Variants in ARHGAP10 observed in about 807,000 individuals in gnomAD.
The protein encoded by ARHGAP10 is Rho GTPase activating protein 10.
A neutral mutation model predicts 108.6 loss-of-function variants in ARHGAP10; 87 were observed. That is an observed-to-expected ratio of 0.80 (90% CI 0.67 to 0.96). ARHGAP10 has a LOEUF of 0.96. Ranked by LOEUF, ARHGAP10 falls within the 40% of genes least tolerant of loss-of-function variation. ARHGAP10 has a pLI of 0.00. For synonymous variants in ARHGAP10, 347 were observed against 341.1 expected, an observed-to-expected ratio of 1.02 and a Z score of -0.19; for missense variants, 939 against 954.5, an observed-to-expected ratio of 0.98 and a Z score of 0.21.
At chr4:148,063,368 A>G in intron 21 of ARHGAP10, 68 bp downstream of exon 21, 1 of 1,588,448 alleles carries the variant, frequency 6.3e-7, no homozygotes, top group African/African-American at 1.3e-5. Context: ...GAACCTGAGC[A>G]GGTTCTTGTG....
chr4:147,734,496 C>T (rs781650702), intron 1 of ARHGAP10, among the ~76,000 whole-genome samples: 2 of 152,038 alleles, frequency 1.3e-5, no homozygotes, highest in Non-Finnish European at 2.9e-5. Context: ...TGTTTAAATT[C>T]TTTCCCAGAA....
intron 18 of ARHGAP10, among the ~76,000 whole-genome samples, chr4:148,007,160 A>G (rs1014743049): frequency 3.3e-5 from 5 of 152,202 alleles, no homozygotes; most frequent in Non-Finnish European, 7.3e-5. Flanking sequence ...TGACTTTAAT[A>G]TATGTGTTTG....
intron 1 of ARHGAP10, among the ~76,000 whole-genome samples, chr4:147,798,777 CTCTCTATA>C (rs1731449913): frequency 2.6e-4 from 1 of 3,848 alleles, no homozygotes; most frequent in Non-Finnish European, 1.6e-3. Flanking sequence ...CTCTCTCTCT[CTCTCTATA>C]TATATATATA....
intron 8 of ARHGAP10, among the ~76,000 whole-genome samples, chr4:147,876,898 C>T (rs1445412611): frequency 4.6e-5 from 7 of 152,274 alleles, no homozygotes; most frequent in Non-Finnish European, 1.0e-4. Context: ...AATGGAGGCA[C>T]TGAGAGGTAA....
chr4:147,815,105 A>C (rs768579899), intron 1 of ARHGAP10, among the ~76,000 whole-genome samples: 10 of 152,098 alleles, frequency 6.6e-5, no homozygotes, highest in Non-Finnish European at 1.5e-4. Context: ...AAAATCCTTA[A>C]AGGACCCTCC....
At chr4:147,991,056 T>C (rs1221864211) in intron 18 of ARHGAP10, among the ~76,000 whole-genome samples, 1 of 151,776 alleles carries the variant, frequency 6.6e-6, no homozygotes, top group Non-Finnish European at 1.5e-5. Context: ...TACTATGCTT[T>C]TCACCTTGGT....
intron 18 of ARHGAP10, among the ~76,000 whole-genome samples, chr4:148,011,127 A>G (rs950825282): frequency 6.6e-6 from 1 of 152,218 alleles, no homozygotes; most frequent in African/African-American, 2.4e-5. Flanking sequence ...AGTGCATCAC[A>G]ACAAGAGGCA....
intron 1 of ARHGAP10, among the ~76,000 whole-genome samples, chr4:147,809,768 A>G (rs1236177906): frequency 2.6e-5 from 4 of 152,168 alleles, no homozygotes; most frequent in Non-Finnish European, 4.4e-5. Flanking sequence ...ATTTATCATT[A>G]GATTCTCATA....
intron 4 of ARHGAP10, among the ~76,000 whole-genome samples, chr4:147,851,255 ATT>A (rs34340295): frequency 1.3e-3 from 198 of 148,110 alleles, no homozygotes; most frequent in Non-Finnish European, 1.5e-3. Flanking sequence ...ATGACTAATA[ATT>A]TTTTTTTTTT....
intron 19 of ARHGAP10, among the ~76,000 whole-genome samples, chr4:148,035,130 T>A (rs1728316884): frequency 1.3e-5 from 2 of 152,168 alleles, no homozygotes; most frequent in Admixed American, 1.3e-4. Flanking sequence ...GGGTCTTTAT[T>A]TTTTGTCATG....
rs139153936 is a variant in ARHGAP10, at chr4:147,800,793, G to A, written c.155-21934G>A. On this transcript the variant is annotated intron_variant, in intron 1 of 22. Transcript: ENST00000336498. The stretch of plus-strand genomic sequence containing the variant: ...GACATAGTTTTCTATGCTGTCTTGT[G>A]CCTTGTCATTCATTATTTTTTTCCT... 6.9e-3 allele frequency among the ~76,000 whole-genome samples: 1,056 copies of A among 152,250 alleles called. 12 individuals carry two copies. Among genetic ancestry groups the A allele is most frequent in the African/African-American group, 0.024 (1,011 of 41,536 alleles).
chr4:147,774,108 A>C (rs539465669), intron 1 of ARHGAP10, among the ~76,000 whole-genome samples: 5 of 152,228 alleles, frequency 3.3e-5, no homozygotes, highest in Non-Finnish European at 7.3e-5. Flanking sequence ...GTGATAATGA[A>C]ATGAGTTAAT....
At chr4:147,732,502 C>A in intron 1 of ARHGAP10, 47 bp downstream of exon 1, 2 of 1,601,346 alleles carry the variant, frequency 1.2e-6, no homozygotes, top group Non-Finnish European at 1.7e-6. Context: ...GGCGAGGCGG[C>A]TGGGGGAGCC....
chr4:148,007,866 A>C (rs958305170), intron 18 of ARHGAP10, among the ~76,000 whole-genome samples: 1 of 152,158 alleles, frequency 6.6e-6, no homozygotes, highest in Admixed American at 6.5e-5. Flanking sequence ...CTTCAGTTGC[A>C]TGACTTAGCT....
At chr4:147,906,367 T>G (rs1344190181) in intron 10 of ARHGAP10, among the ~76,000 whole-genome samples, 2 of 152,204 alleles carry the variant, frequency 1.3e-5, no homozygotes, top group Non-Finnish European at 2.9e-5. Flanking sequence ...ATGTAGCAAT[T>G]GAAAGTTATT....
intron 7 of ARHGAP10, among the ~76,000 whole-genome samples, chr4:147,869,582 G>GAA (rs33932988): frequency 7.0e-6 from 1 of 143,182 alleles, no homozygotes; most frequent in South Asian, 2.2e-4. Flanking sequence ...ACAGTTTATT[G>GAA]AAAAAAAAAA....
intron 3 of ARHGAP10, among the ~76,000 whole-genome samples, chr4:147,835,084 A>G (rs1239142237): frequency 6.6e-6 from 1 of 152,218 alleles, no homozygotes; most frequent in Non-Finnish European, 1.5e-5. Context: ...ATCTAAATTT[A>G]TAGGAGAATC....
At chr4:147,748,934 G>A (rs1271713119) in intron 1 of ARHGAP10, among the ~76,000 whole-genome samples, 1 of 152,130 alleles carries the variant, frequency 6.6e-6, no homozygotes, top group East Asian at 1.9e-4. Context: ...ATTCCAGCCT[G>A]GGCAGCAGAG....
intron 1 of ARHGAP10, among the ~76,000 whole-genome samples, chr4:147,771,053 C>G (rs1347807699): frequency 6.6e-6 from 1 of 152,148 alleles, no homozygotes; most frequent in Non-Finnish European, 1.5e-5. Flanking sequence ...CTCATTTTAA[C>G]TTAATTACCT....
Sources: allele counts gnomAD v4.1 joint callset (sites outside exome capture counted in the v4.1 genomes callset), GRCh38; gene constraint gnomAD v4.1.1; transcripts MANE v1.5; gene names NCBI Gene and HGNC (gene_info 2026-07-23, HGNC 2026-07-21).